The following APPL1 variants were observed in gnomAD, a reference collection of about 807,000 sequenced individuals.
The protein encoded by APPL1 is DCC-interacting protein 13-alpha.
APPL1 carries 42 observed loss-of-function variants against 106.8 expected under a neutral mutation model. The observed-to-expected ratio is 0.39, with a 90% CI of 0.31 to 0.51. The LOEUF (loss-of-function observed/expected upper bound fraction) is 0.51. Ranked by LOEUF, APPL1 falls within the 20% of genes least tolerant of loss-of-function variation. APPL1 has a pLI of 0.75. For synonymous variants in APPL1, 263 were observed against 281.8 expected, an observed-to-expected ratio of 0.93 and a Z score of 0.67; for missense variants, 769 against 858.2, an observed-to-expected ratio of 0.90 and a Z score of 1.30.
At chr3:57,240,393 T>C in intron 4 of APPL1, 72 bp from the exon 5 acceptor site, 1 of 1,169,026 alleles carries the variant, frequency 8.6e-7, no homozygotes, top group East Asian at 2.4e-5. Context: ...TACTAGATTA[T>C]GTTTAATTTA....
At position 57,272,977 on chromosome 3, in the gene APPL1, A is replaced by G. The variant is rs1461764217; in HGVS notation, c.*3290A>G. 1 of 152,630 alleles carries G rather than the reference A, an allele frequency of 6.6e-6. No homozygotes were observed. The highest frequency in any genetic ancestry group is 1.5e-5 in the Non-Finnish European group (1 of 68,042). The allele number at this position is 152,630 out of a possible 1,614,324, so 9.5% of individuals were successfully genotyped here. On this transcript the variant is annotated 3_prime_UTR_variant, in exon 22 of 22. Transcript: ENST00000288266. ...GTATTTTAAATACTTAAACACACCA[A>G]TTGTAGAAAGCAACCCTTTATTTTT... is the stretch of plus-strand genomic sequence containing the variant.
At chr3:57,251,324 G>A (rs1484675644) in intron 11 of APPL1, among the ~76,000 whole-genome samples, 1 of 151,378 alleles carries the variant, frequency 6.6e-6, no homozygotes, top group African/African-American at 2.4e-5. Flanking sequence ...AGGAGTTTGA[G>A]ACCAGCCTGG....
intron 12 of APPL1, 81 bp downstream of exon 12, chr3:57,252,392 T>G: frequency 9.4e-7 from 1 of 1,065,446 alleles, no homozygotes; most frequent in Non-Finnish European, 1.3e-6. Context: ...ATGTGTTCAT[T>G]GTAGAAATTT....
chr3:57,242,239 C>A (rs557818028), intron 6 of APPL1, 97 bp downstream of exon 6: 165 of 905,726 alleles, frequency 1.8e-4, no homozygotes, highest in Middle Eastern at 4.5e-4. Context: ...TGAAAAAAAA[C>A]CAATTAAAAA....
chr3:57,253,982 C>T (rs1261783646), intron 13 of APPL1, among the ~76,000 whole-genome samples: 2 of 152,012 alleles, frequency 1.3e-5, no homozygotes, highest in African/African-American at 2.4e-5. Context: ...CCTGCTTCAG[C>T]CTCACCAGTA....
At chr3:57,242,430 G>GTT (rs1456229862) in intron 6 of APPL1, among the ~76,000 whole-genome samples, 3 of 151,814 alleles carry the variant, frequency 2.0e-5, no homozygotes, top group South Asian at 2.1e-4. Flanking sequence ...TTTAATGAGT[G>GTT]TTATATATAT....
chr3:57,269,303 TA>T, intron 21 of APPL1: 4 of 414,852 alleles, frequency 9.6e-6, no homozygotes, highest in East Asian at 8.0e-5. Flanking sequence ...TTGTTGGTCA[TA>T]AAAAAAGAAA....
chr3:57,257,213 A>T, intron 14 of APPL1, 33 bp from the exon 15 acceptor site: 1 of 1,588,090 alleles, frequency 6.3e-7, no homozygotes, highest in Non-Finnish European at 8.6e-7. Context: ...AAAAGGGAAA[A>T]TTAAATGCAA....
intron 13 of APPL1, 53 bp downstream of exon 13, chr3:57,253,791 G>T: frequency 7.6e-7 from 1 of 1,324,408 alleles, no homozygotes; most frequent in Non-Finnish European, 9.8e-7. Context: ...GTAATTTTGT[G>T]GCTTACATGT....
At chr3:57,262,029 A>C (rs1036534148) in intron 19 of APPL1, among the ~76,000 whole-genome samples, 1 of 152,172 alleles carries the variant, frequency 6.6e-6, no homozygotes, top group Non-Finnish European at 1.5e-5. Context: ...AATGTCGAGC[A>C]TCTTTTCATA....
At chr3:57,265,673 A>G (rs1448136419) in intron 19 of APPL1, among the ~76,000 whole-genome samples, 2 of 151,986 alleles carry the variant, frequency 1.3e-5, no homozygotes, top group African/African-American at 2.4e-5. Flanking sequence ...TTTTCTAAAT[A>G]TAAGATCATC....
intron 4 of APPL1, among the ~76,000 whole-genome samples, chr3:57,240,131 GTT>G (rs535566044): frequency 2.5e-5 from 3 of 119,382 alleles, no homozygotes; most frequent in Admixed American, 8.2e-5. Context: ...ATTCTGAGTT[GTT>G]TTTTTTTTTT....
chr3:57,246,836 C>G (rs902124713), intron 8 of APPL1, among the ~76,000 whole-genome samples: 5 of 151,858 alleles, frequency 3.3e-5, no homozygotes, highest in Non-Finnish European at 7.4e-5. Context: ...GACCCCATCT[C>G]TACAAAAAAT....
intron 15 of APPL1, among the ~76,000 whole-genome samples, chr3:57,257,642 A>T (rs779226877): frequency 6.6e-6 from 1 of 152,152 alleles, no homozygotes; most frequent in African/African-American, 2.4e-5. Flanking sequence ...TTAGTTTCCA[A>T]ATATTTAATT....
At chr3:57,253,854 A>G in intron 13 of APPL1, 116 bp downstream of exon 13, 1 of 738,314 alleles carries the variant, frequency 1.4e-6, no homozygotes, top group Non-Finnish European at 1.9e-6. Flanking sequence ...TTGACCTTGA[A>G]TGAGTAGCTT....
chr3:57,252,793 C>A (rs112192810), intron 12 of APPL1, among the ~76,000 whole-genome samples: 2 of 152,228 alleles, frequency 1.3e-5, no homozygotes, highest in African/African-American at 4.8e-5. Flanking sequence ...TTTTTGGCTC[C>A]ATTTTTACTC....
intron 1 of APPL1, among the ~76,000 whole-genome samples, chr3:57,229,421 C>T (rs1432973230): frequency 2.0e-5 from 3 of 151,736 alleles, no homozygotes; most frequent in African/African-American, 4.8e-5. Flanking sequence ...AAACTCTTGA[C>T]TCATCTAATG....
chr3:57,246,878 C>T (rs993685049), intron 8 of APPL1, among the ~76,000 whole-genome samples: 16 of 151,370 alleles, frequency 1.1e-4, no homozygotes, highest in African/African-American at 3.4e-4. Flanking sequence ...TAGCATGCCT[C>T]GGTGATCCCA....
intron 9 of APPL1, among the ~76,000 whole-genome samples, chr3:57,247,848 A>C (rs2060783180): frequency 6.6e-6 from 1 of 152,208 alleles, no homozygotes; most frequent in African/African-American, 2.4e-5. Context: ...AGCAGTTCTT[A>C]TCAGGTTCAA....
Sources: allele counts gnomAD v4.1 joint callset (sites outside exome capture counted in the v4.1 genomes callset), GRCh38; gene constraint gnomAD v4.1.1; transcripts MANE v1.5; gene names NCBI Gene and HGNC (gene_info 2026-07-23, HGNC 2026-07-21).